Variants in DLG2 observed in about 807,000 individuals in gnomAD.
The protein encoded by DLG2 is discs large MAGUK scaffold protein 2.
A neutral mutation model predicts 132.5 loss-of-function variants in DLG2; 45 were observed. The ratio of observed to expected loss-of-function variants is 0.34; its 90% CI spans 0.27 to 0.44. The LOEUF (loss-of-function observed/expected upper bound fraction) is 0.44. Ranked by LOEUF, DLG2 falls within the 20% of genes least tolerant of loss-of-function variation. The pLI is 1.00. For missense variants in DLG2, 1,045 were observed against 1,196.9 expected (o/e 0.87, Z 1.87); for synonymous variants, 424 against 419.6 (o/e 1.01, Z -0.13).
intron 10 of DLG2, among the ~76,000 whole-genome samples, chr11:84,090,543 A>G (rs1473266470): frequency 6.6e-6 from 1 of 152,218 alleles, no homozygotes; most frequent in Non-Finnish European, 1.5e-5. Context: ...GTAAATGCAA[A>G]GCAAAGCAGG....
chr11:83,938,034 TTGTTA>T (rs1223158140), intron 14 of DLG2, among the ~76,000 whole-genome samples: 3 of 152,218 alleles, frequency 2.0e-5, no homozygotes. Context: ...TCATTGTGAT[TTGTTA>T]TAACAGCAAA....
chr11:85,498,697 G>GA (rs60302563), intron 3 of DLG2, among the ~76,000 whole-genome samples: 5,239 of 152,120 alleles, frequency 0.034, 288 homozygotes, highest in African/African-American at 0.12. Flanking sequence ...CACTCCTCAG[G>GA]AATGTAAACA....
Position 84,121,600 on chromosome 11 carries a change from G to A in DLG2, c.625-22553C>T, listed in dbSNP as rs1452201081. Among the ~76,000 whole-genome samples, 7 of 123,844 alleles carry A rather than the reference G, an allele frequency of 5.7e-5. 1 individual carries two copies. Among genetic ancestry groups the A allele is most frequent in the Admixed American group, 9.8e-5 (1 of 10,224 alleles). 81.2% of individuals were successfully genotyped at this position (123,844 alleles called of 152,430 possible). A position where few individuals can be genotyped will look rare whatever the true frequency, so the allele number is the denominator to read the frequency against. The stretch of plus-strand genomic sequence containing the variant: ...TTTTTGAGACGGAGTCTCGCTCTGT[G>A]GCCCAGGCTGGAGTGCAGTGGCACG... On this transcript the variant is annotated intron_variant, in intron 9 of 27. Transcript: ENST00000376104.
intron 7 of DLG2, among the ~76,000 whole-genome samples, chr11:84,369,237 C>A (rs2098696513): frequency 1.3e-5 from 2 of 151,970 alleles, no homozygotes; most frequent in African/African-American, 4.8e-5. Flanking sequence ...CTCCAGACTC[C>A]TTATCCCAGC....
At chr11:83,532,113 A>C in intron 21 of DLG2, among the ~76,000 whole-genome samples, 1 of 152,178 alleles carries the variant, frequency 6.6e-6, no homozygotes, top group East Asian at 1.9e-4. Context: ...AAACCACTGG[A>C]TTGTATTTTT....
intron 3 of DLG2, among the ~76,000 whole-genome samples, chr11:85,358,385 T>A (rs2083903930): frequency 6.6e-6 from 1 of 152,198 alleles, no homozygotes; most frequent in Non-Finnish European, 1.5e-5. Context: ...CTGCACTGAC[T>A]AATCCAGATC....
chr11:84,292,431 A>C (rs1230272375), intron 7 of DLG2, among the ~76,000 whole-genome samples: 1 of 152,128 alleles, frequency 6.6e-6, no homozygotes, highest in African/African-American at 2.4e-5. Context: ...GCTAGAGCCT[A>C]GCATTCCCTT....
intron 11 of DLG2, among the ~76,000 whole-genome samples, chr11:84,003,249 G>C (rs1416718602): frequency 6.6e-6 from 1 of 152,128 alleles, no homozygotes; most frequent in Admixed American, 6.6e-5. Flanking sequence ...CAAGTCCCTA[G>C]GAAGGTCCAA....
intron 10 of DLG2, among the ~76,000 whole-genome samples, chr11:84,086,376 T>C (rs911219789): frequency 2.0e-5 from 3 of 152,194 alleles, no homozygotes; most frequent in African/African-American, 7.2e-5. Context: ...ACTTTAAAAT[T>C]TGCCCTTTTA....
chr11:83,929,156 T>G (rs1388644832), intron 15 of DLG2, among the ~76,000 whole-genome samples: 6 of 152,210 alleles, frequency 3.9e-5, no homozygotes, highest in Non-Finnish European at 7.3e-5. Context: ...TTAGATGTAA[T>G]TTAAAATTTG....
chr11:85,611,620 T>C (rs2081004684), intron 2 of DLG2, among the ~76,000 whole-genome samples: 1 of 152,222 alleles, frequency 6.6e-6, no homozygotes, highest in African/African-American at 2.4e-5. Context: ...AGTGCCCAGT[T>C]AGCAGAACTA....
chr11:84,485,824 A>C (rs563912991), intron 7 of DLG2, among the ~76,000 whole-genome samples: 2 of 152,278 alleles, frequency 1.3e-5, no homozygotes, highest in African/African-American at 4.8e-5. Context: ...TGTTGTAAGA[A>C]TGCAGTAAAC....
chr11:84,833,174 A>G (rs1020527782), intron 6 of DLG2, among the ~76,000 whole-genome samples: 1 of 151,604 alleles, frequency 6.6e-6, no homozygotes, highest in Non-Finnish European at 1.5e-5. Context: ...AGAAATTATC[A>G]TTGATTTTCC....
At chr11:84,022,599 T>A (rs528384319) in intron 11 of DLG2, among the ~76,000 whole-genome samples, 1 of 152,292 alleles carries the variant, frequency 6.6e-6, no homozygotes, top group Admixed American at 6.5e-5. Flanking sequence ...GAAATGTTAG[T>A]GAGGCAGAAA....
At chr11:84,192,130 A>G (rs1429763781) in intron 8 of DLG2, among the ~76,000 whole-genome samples, 1 of 152,216 alleles carries the variant, frequency 6.6e-6, no homozygotes, top group Non-Finnish European at 1.5e-5. Context: ...GTGATACAGA[A>G]GATAAGGAAA....
At chr11:84,200,458 A>G (rs2096577447) in intron 8 of DLG2, among the ~76,000 whole-genome samples, 1 of 152,164 alleles carries the variant, frequency 6.6e-6, no homozygotes, top group African/African-American at 2.4e-5. Context: ...ACTAAGTTTC[A>G]CTATGTAAAT....
intron 3 of DLG2, among the ~76,000 whole-genome samples, chr11:85,517,059 T>C (rs1042357652): frequency 7.9e-5 from 12 of 151,592 alleles, no homozygotes; most frequent in Non-Finnish European, 1.6e-4. Context: ...CAACAGCACA[T>C]CAAAAAGATA....
chr11:84,180,739 C>CCA (rs1256080169), intron 8 of DLG2, among the ~76,000 whole-genome samples: 2 of 152,002 alleles, frequency 1.3e-5, no homozygotes, highest in Non-Finnish European at 2.9e-5. Flanking sequence ...TGAACCCCCC[C>CCA]AGAAACCATG....
At chr11:85,000,389 G>A (rs1231776178) in intron 6 of DLG2, among the ~76,000 whole-genome samples, 2 of 152,128 alleles carry the variant, frequency 1.3e-5, no homozygotes, top group African/African-American at 2.4e-5. Context: ...GAAGCAGTAG[G>A]AATACTGAGT....
Sources: allele counts gnomAD v4.1 joint callset (sites outside exome capture counted in the v4.1 genomes callset), GRCh38; gene constraint gnomAD v4.1.1; transcripts MANE v1.5; gene names NCBI Gene and HGNC (gene_info 2026-07-23, HGNC 2026-07-21).